Variants in ZNF461 observed in about 807,000 individuals in gnomAD.
The protein encoded by ZNF461 is zinc finger protein 461.
ZNF461 carries 16 observed loss-of-function variants against 18.3 expected under a neutral mutation model. The observed-to-expected ratio is 0.88, with a 90% CI of 0.59 to 1.33. The LOEUF (loss-of-function observed/expected upper bound fraction) is 1.33, where lower values mean the gene tolerates loss of function less well. Ranked by LOEUF, ZNF461 falls within the 40% of genes most tolerant of loss-of-function variation. The pLI is 0.00. For missense variants in ZNF461, 595 were observed against 669.9 expected (o/e 0.89, Z 1.23); for synonymous variants, 179 against 216.9 (o/e 0.83, Z 1.54).
chr19:36,659,029 G>C (rs1042075570), intron 2 of ZNF461, among the ~76,000 whole-genome samples: 1 of 152,156 alleles, frequency 6.6e-6, no homozygotes, highest in Non-Finnish European at 1.5e-5. Context: ...CGGCAGAAGT[G>C]ATTATGTGAC....
At chr19:36,646,457 G>T (rs1202361417) in intron 4 of ZNF461, among the ~76,000 whole-genome samples, 1 of 152,090 alleles carries the variant, frequency 6.6e-6, no homozygotes, top group African/African-American at 2.4e-5. Flanking sequence ...GAAAGTTTGT[G>T]TCAGCCCCTG....
intron 2 of ZNF461, among the ~76,000 whole-genome samples, chr19:36,660,700 T>A (rs3108195): frequency 0.21 from 29,530 of 143,994 alleles, 2,969 homozygotes; most frequent in Middle Eastern, 0.27. Context: ...GTTGATTTTT[T>A]TAAAAAAAAA....
intron 2 of ZNF461, among the ~76,000 whole-genome samples, chr19:36,664,371 T>A (rs549496060): frequency 6.6e-6 from 1 of 152,254 alleles, no homozygotes; most frequent in African/African-American, 2.4e-5. Context: ...GCAGATCACT[T>A]GAGGCCAGGA....
Position 36,639,352 on chromosome 19 carries a change from A to T in ZNF461, c.993T>A (p.Cys331Ter), listed in dbSNP as rs1478722679. 1 of 1,614,118 alleles carries T rather than the reference A, an allele frequency of 6.2e-7. No homozygotes were observed. The change falls in exon 6 of 6, where the codon TGT becomes TGA. Residue 331 changes from cysteine (C) to a stop codon, truncating the protein, a stop_gained. Coordinates refer to ENST00000588268, the MANE Select transcript of ZNF461 (RefSeq NM_153257.5). LOFTEE classifies it low-confidence loss of function (END_TRUNC). ...GAATAAAAGCCTTCCCACATTGCTT[A>T]CATTCATAGGGTTTTTCACCAGTAT... ...RLHTGEKPYE[C>*]KQCGKAFIRG...
intron 4 of ZNF461, 80 bp downstream of exon 4, chr19:36,656,368 G>T (rs1436221171): frequency 1.7e-6 from 2 of 1,178,558 alleles, no homozygotes; most frequent in Non-Finnish European, 2.5e-6. Flanking sequence ...CCAAAGTTTG[G>T]TTTAAAATAA....
chr19:36,653,134 G>T (rs746937679), intron 4 of ZNF461, among the ~76,000 whole-genome samples: 2 of 152,216 alleles, frequency 1.3e-5, no homozygotes, highest in South Asian at 4.1e-4. Flanking sequence ...TACATTGCCA[G>T]TTAAGAATGT....
At position 36,639,528 on chromosome 19, in the gene ZNF461, A is replaced by C; in HGVS notation, c.817T>G (p.Tyr273Asp). The C allele has an allele frequency of 6.2e-7, 1 of 1,613,780 alleles. No homozygotes were observed. The highest frequency in any genetic ancestry group is 8.5e-7 in the Non-Finnish European group (1 of 1,179,756). Reference protein sequence around the residue: ...HLRIHNGEKRYECNECGKAFN... With the variant: ...HLRIHNGEKRDECNECGKAFN... ...GCCTTCCCACATTCGTTACATTCAT[A>C]GCGTTTTTCACCATTATGAATTCTT... is the stretch of plus-strand genomic sequence containing the variant. The change falls in exon 6 of 6, where the codon TAT becomes GAT. Residue 273 changes from tyrosine to aspartate, a missense_variant. Transcript: ENST00000588268.
chr19:36,646,395 G>C (rs2037529299), intron 4 of ZNF461, among the ~76,000 whole-genome samples: 1 of 152,168 alleles, frequency 6.6e-6, no homozygotes, highest in African/African-American at 2.4e-5. Flanking sequence ...GCCTCCCAAA[G>C]TGCTAGGATT....
intron 5 of ZNF461, among the ~76,000 whole-genome samples, chr19:36,642,760 TG>T (rs146971400): frequency 1.5e-3 from 100 of 64,532 alleles, no homozygotes; most frequent in Non-Finnish European, 2.2e-3. Flanking sequence ...GTGTTTTTGG[TG>T]GGGGGGGGTG....
At chr19:36,660,076 A>ACAG (rs923418774) in intron 2 of ZNF461, among the ~76,000 whole-genome samples, 1 of 149,250 alleles carries the variant, frequency 6.7e-6, no homozygotes, top group African/African-American at 2.5e-5. Flanking sequence ...TTTTTCTCCC[A>ACAG]CAGCCTTCGT....
chr19:36,639,425 C>T lies in ZNF461; in HGVS notation c.920G>A (p.Gly307Glu), dbSNP rs2037374947. 1 of 1,614,038 alleles carries T rather than the reference C, an allele frequency of 6.2e-7. No homozygotes were observed. The highest frequency in any genetic ancestry group is 2.2e-5 in the East Asian group (1 of 44,850). ...GEKPYECKEC[G>E]KAFRQRSQLT... ...CTGTGATCGCTGTCTAAAGGCCTTC[C>T]CACATTCTTTACATTCATAAGGTTT... The change falls in exon 6 of 6, where the codon GGG (glycine) becomes GAG (glutamate). Residue 307 changes from glycine (G) to glutamate (E), a missense_variant. By Grantham distance (98) the Gly-to-Glu change is moderately conservative (BLOSUM62 -2). Coordinates refer to ENST00000588268, the MANE Select transcript of ZNF461 (RefSeq NM_153257.5).
chr19:36,641,443 G>A (rs370605657), intron 5 of ZNF461, among the ~76,000 whole-genome samples: 11 of 151,564 alleles, frequency 7.3e-5, no homozygotes, highest in Non-Finnish European at 7.4e-5. Context: ...TGCTTGAACC[G>A]GGAGGTGGAG....
intron 4 of ZNF461, among the ~76,000 whole-genome samples, chr19:36,650,830 A>G (rs1261663457): frequency 6.7e-6 from 1 of 150,084 alleles, no homozygotes; most frequent in South Asian, 2.1e-4. Flanking sequence ...ATAAATAAGA[A>G]AAATAACATG....
intron 4 of ZNF461, among the ~76,000 whole-genome samples, chr19:36,648,778 G>A (rs763132063): frequency 2.6e-5 from 4 of 151,944 alleles, no homozygotes; most frequent in African/African-American, 7.3e-5. Flanking sequence ...ACGGGGTTTC[G>A]CCATGTTGGC....
chr19:36,644,523 C>G (rs1183615509), intron 4 of ZNF461, among the ~76,000 whole-genome samples: 1 of 151,920 alleles, frequency 6.6e-6, no homozygotes, highest in Non-Finnish European at 1.5e-5. Context: ...CCCGCCTTGG[C>G]CTCCCAAAGT....
At chr19:36,656,159 G>A (rs1007889089) in intron 4 of ZNF461, among the ~76,000 whole-genome samples, 12 of 151,998 alleles carry the variant, frequency 7.9e-5, no homozygotes, top group South Asian at 2.1e-4. Flanking sequence ...CACTGCGCCC[G>A]GCTAATTTTT....
At chr19:36,656,610 T>A in intron 3 of ZNF461, 67 bp from the exon 4 acceptor site, 1 of 1,240,598 alleles carries the variant, frequency 8.1e-7, no homozygotes, top group East Asian at 2.4e-5. Context: ...GATTTAGAAC[T>A]GATTAAAATA....
At chr19:36,645,004 A>T (rs2037498820) in intron 4 of ZNF461, 1 of 152,346 alleles carries the variant, frequency 6.6e-6, no homozygotes, top group East Asian at 1.9e-4. Flanking sequence ...GGATTACTTG[A>T]GTCCTGGAGT....
In ZNF461 at chr19:36,642,550, C is replaced by T. The variant is rs541072710; in HGVS notation, c.301+1244G>A. The stretch of plus-strand genomic sequence containing the variant: ...TATGGGGAAGTGCAGGCAGGGAGGG[C>T]GGGCATATGAGCATATGCCAGGCAC... On this transcript the variant is annotated intron_variant, in intron 5 of 5. Coordinates refer to ENST00000588268, the MANE Select transcript of ZNF461 (RefSeq NM_153257.5). Among the ~76,000 whole-genome samples the T allele has an allele frequency of 1.6e-3, 250 of 152,102 alleles. 1 individual carries two copies. The highest frequency in any genetic ancestry group is 3.9e-3 in the Admixed American group (60 of 15,262).
Sources: gnomAD v4.1 joint callset for allele counts (sites outside exome capture counted in the v4.1 genomes callset) on GRCh38, gnomAD v4.1.1 for gene constraint, MANE v1.5 for transcripts, NCBI Gene and HGNC (gene_info 2026-07-23, HGNC 2026-07-21) for gene names.